CELA1: variants seen among roughly 807,000 people sequenced by gnomAD.
The protein encoded by CELA1 is chymotrypsin like elastase 1.
CELA1 carries 28 observed loss-of-function variants against 34.8 expected under a neutral mutation model. The ratio of observed to expected loss-of-function variants is 0.80; its 90% confidence interval spans 0.60 to 1.10. The LOEUF (loss-of-function observed/expected upper bound fraction) is 1.10, where lower values mean the gene tolerates loss of function less well. Among genes scored for constraint, CELA1 ranks in the 50% least tolerant of loss-of-function variants. The pLI is 0.00. For synonymous variants in CELA1, 140 were observed against 129.8 expected (o/e 1.08, Z -0.53); for missense variants, 288 against 327.5 (o/e 0.88, Z 0.93).
intron 6 of CELA1, among the ~76,000 whole-genome samples, chr12:51,331,542 A>C (rs902148223): frequency 6.6e-6 from 1 of 152,262 alleles, no homozygotes; most frequent in Non-Finnish European, 1.5e-5. Context: ...GGAACATAAG[A>C]TAGAACAAAC....
At chr12:51,336,423 C>T (rs993616329) in intron 6 of CELA1, among the ~76,000 whole-genome samples, 2 of 151,978 alleles carry the variant, frequency 1.3e-5, no homozygotes, top group Non-Finnish European at 2.9e-5. Context: ...GTCAGGAGTT[C>T]GAGACTTAGC....
intron 6 of CELA1, 85 bp downstream of exon 6, chr12:51,339,775 T>G: frequency 7.4e-7 from 1 of 1,355,886 alleles, no homozygotes; most frequent in Non-Finnish European, 1.0e-6. Context: ...TAAGAGTAAG[T>G]GTCGAATAGG....
intron 6 of CELA1, among the ~76,000 whole-genome samples, chr12:51,332,698 C>G (rs1199642193): frequency 6.6e-6 from 1 of 151,940 alleles, no homozygotes; most frequent in Non-Finnish European, 1.5e-5. Flanking sequence ...AACCCCGACT[C>G]TACTAAAAAT....
rs543362888 is a variant in CELA1, at chr12:51,340,392, T to C, written c.464-387A>G. On this transcript the variant is annotated intron_variant, in intron 5 of 7. Transcript: ENST00000293636. ...CTTGTTTCCATTTCTTTCTTTCTTT[T>C]TTTTTTTTTTTTTTGAGATGGAGTT... 3.0e-3 allele frequency among the ~76,000 whole-genome samples: 439 copies of C among 147,648 alleles called. 3 individuals are homozygous for C. The highest frequency in any genetic ancestry group is 0.01 in the African/African-American group (414 of 40,580).
Position 51,328,522 on chromosome 12 carries a change from T to A in CELA1, c.*55A>T. On this transcript the variant is annotated 3_prime_UTR_variant, in exon 8 of 8. Transcript: ENST00000293636. ...ATGTGTTTTACTTTTTGATCGCAAG[T>A]CCTACTGCAGATCTAAGAACCATTT... 1 of 1,586,744 alleles carries A rather than the reference T, an allele frequency of 6.3e-7. No individual in the cohort carries two copies. The highest frequency in any genetic ancestry group is 2.2e-5 in the East Asian group (1 of 44,740).
chr12:51,334,440 T>C (rs1037731880), intron 6 of CELA1, among the ~76,000 whole-genome samples: 1 of 152,108 alleles, frequency 6.6e-6, no homozygotes, highest in African/African-American at 2.4e-5. Flanking sequence ...TTTAATCCTT[T>C]TTTTTTTCTT....
At chr12:51,345,522 G>T (rs545106456) in intron 2 of CELA1, among the ~76,000 whole-genome samples, 306 of 152,320 alleles carry the variant, frequency 2.0e-3, no homozygotes, top group Non-Finnish European at 3.2e-3. Context: ...TCTTTCTTGC[G>T]TGGCACAAGT....
chr12:51,339,225 G>A (rs149613543), intron 6 of CELA1, among the ~76,000 whole-genome samples: 222 of 151,714 alleles, frequency 1.5e-3, no homozygotes, highest in African/African-American at 5.2e-3. Flanking sequence ...ACCTGTCCAG[G>A]CTCAGCTGCA....
chr12:51,328,735 C>T, intron 7 of CELA1, 141 bp from the exon 8 acceptor site: 1 of 848,424 alleles, frequency 1.2e-6, no homozygotes, highest in Non-Finnish European at 2.0e-6. Flanking sequence ...GGCAGGAAGT[C>T]AGCCTCAACT....
chr12:51,342,842 G>A (rs1009718653), intron 3 of CELA1, 142 bp from the exon 4 acceptor site: 1 of 905,132 alleles, frequency 1.1e-6, no homozygotes. Context: ...ATGGGGTTTT[G>A]CTGTGTTGCC....
At chr12:51,332,431 A>G (rs144363922) in intron 6 of CELA1, among the ~76,000 whole-genome samples, 132 of 152,318 alleles carry the variant, frequency 8.7e-4, no homozygotes, top group African/African-American at 3.1e-3. Context: ...GTGTAAGTAT[A>G]TAATTTTAAA....
intron 6 of CELA1, among the ~76,000 whole-genome samples, chr12:51,335,688 G>A (rs1946496827): frequency 6.7e-6 from 1 of 150,244 alleles, no homozygotes; most frequent in African/African-American, 2.5e-5. Flanking sequence ...CCAGGCCGGA[G>A]TGCCGTGGTG....
intron 6 of CELA1, among the ~76,000 whole-genome samples, chr12:51,339,418 G>A (rs1047731054): frequency 6.6e-6 from 1 of 152,150 alleles, no homozygotes; most frequent in Non-Finnish European, 1.5e-5. Context: ...CGGGCGTGGT[G>A]GTGCATGCCT....
intron 6 of CELA1, among the ~76,000 whole-genome samples, chr12:51,332,016 T>A (rs1946472817): frequency 6.6e-6 from 1 of 151,754 alleles, no homozygotes. Flanking sequence ...GACCCCCATC[T>A]CTATTAAAAT....
intron 6 of CELA1, among the ~76,000 whole-genome samples, chr12:51,330,969 CAAAAAAA>C (rs201798953): frequency 1.3e-5 from 1 of 79,458 alleles, no homozygotes; most frequent in African/African-American, 6.1e-5. Context: ...GACTCTGTCT[CAAAAAAA>C]AAAAAAAAAA....
chr12:51,342,916 A>G (rs1946546565), intron 3 of CELA1, among the ~76,000 whole-genome samples: 1 of 151,674 alleles, frequency 6.6e-6, no homozygotes, highest in Non-Finnish European at 1.5e-5. Flanking sequence ...AGTAGCTGGG[A>G]CTACAGGTGT....
Position 51,329,674 on chromosome 12 carries a change from G to C in CELA1, c.759+10C>G. 1 of 1,602,046 alleles carries C rather than the reference G, an allele frequency of 6.2e-7. No individual in the cohort carries two copies. The highest frequency in any genetic ancestry group is 8.5e-7 in the Non-Finnish European group (1 of 1,174,318). On this transcript the variant is annotated intron_variant, in intron 7 of 7. Transcript: ENST00000293636. Reference sequence around the variant, plus strand: ...GACCCCATTTCAACCCATCATTTGAGAGGACTCACATTATTTATCCAGGAG... The same window carrying C: ...GACCCCATTTCAACCCATCATTTGACAGGACTCACATTATTTATCCAGGAG...
At chr12:51,336,660 G>A (rs1946501200) in intron 6 of CELA1, among the ~76,000 whole-genome samples, 1 of 152,080 alleles carries the variant, frequency 6.6e-6, no homozygotes, top group Admixed American at 6.6e-5. Flanking sequence ...ATTTCTTACT[G>A]GTTGCTATAC....
chr12:51,333,171 T>A (rs1210772732), intron 6 of CELA1, among the ~76,000 whole-genome samples: 1 of 150,812 alleles, frequency 6.6e-6, no homozygotes, highest in Non-Finnish European at 1.5e-5. Context: ...CTCAGCTCAC[T>A]GCCACTTCCG....
Sources: gnomAD v4.1 joint callset for allele counts (sites outside exome capture counted in the v4.1 genomes callset) on GRCh38, gnomAD v4.1.1 for gene constraint, MANE v1.5 for transcripts, NCBI Gene and HGNC (gene_info 2026-07-23, HGNC 2026-07-21) for gene names.